The following CENPB variants were observed in gnomAD, a reference collection of about 807,000 sequenced individuals.
CENPB encodes centromere protein B.
In CENPB, 19 loss-of-function variants were observed where a neutral mutation model predicts 41.9. The ratio of observed to expected loss-of-function variants is 0.45; its 90% CI spans 0.32 to 0.67. CENPB has a LOEUF of 0.67. Ranked by LOEUF, CENPB falls within the 30% of genes least tolerant of loss-of-function variation. The pLI, the probability that CENPB is intolerant of heterozygous loss-of-function variation, is 0.04. For synonymous variants in CENPB, 399 were observed against 354.4 expected (o/e 1.13, Z -1.41); for missense variants, 614 against 816.2 (o/e 0.75, Z 3.02).
Position 3,785,186 on chromosome 20 carries a change from T to G in CENPB, c.1298A>C (p.Glu433Ala), listed in dbSNP as rs1328003800. ...EEEEEEGEEE[E>A]EEGGEGEELG... ...TTCCTCTCCTTCCCCCCCTTCCTCC[T>G]CCTCCTCCTCCCCTTCCTCCTCCTC... The change falls in exon 1 of 1, where the codon GAG (glutamate) becomes GCG (alanine). Residue 433 changes from glutamate to alanine, a missense_variant. Transcript: ENST00000379751. The G allele has an allele frequency of 2.0e-6, 2 of 984,240 alleles. No homozygotes were observed. Among genetic ancestry groups the G allele is most frequent in the Non-Finnish European group, 1.4e-6 (1 of 720,434 alleles). 61.0% of individuals were successfully genotyped at this position (984,240 alleles called of 1,614,324 possible).
At position 3,785,965 on chromosome 20, in the gene CENPB, G is replaced by A. The variant is rs1176091117; in HGVS notation, c.519C>T (p.Arg173=). ...CCGACGGCGGCTGCTCCTCCCGAGC[G>A]CGCCAACCAGTAGTGCTCCCGCCAC... ...EGSGGSTTGW[R]AREEQPPSVA... Residue 173 remains arginine (R), a synonymous_variant, in exon 1 of 1, where the codon CGC becomes CGT. Transcript: ENST00000379751. The A allele has an allele frequency of 1.1e-5, 17 of 1,560,044 alleles. No individual in the cohort carries two copies. The highest frequency in any genetic ancestry group is 2.3e-5 in the South Asian group (2 of 86,478).
chr20:3,785,690 G>T lies in CENPB; in HGVS notation c.794C>A (p.Ser265Tyr), dbSNP rs1299814146. ...GGCCTGGGTGGTGACACCACCCTTG[G>T]AGTTGGCGGTGTAGTCGCAGGGCAG... Reference protein sequence around the residue: ...AGLPCDYTANSKGGVTTQALA... With the variant: ...AGLPCDYTANYKGGVTTQALA... The change falls in exon 1 of 1, where the codon TCC becomes TAC. Residue 265 changes from serine (S) to tyrosine (Y), a missense_variant. Transcript: ENST00000379751. The T allele has an allele frequency of 6.2e-7, 1 of 1,609,462 alleles. No homozygotes were observed. Among genetic ancestry groups the T allele is most frequent in the Non-Finnish European group, 8.5e-7 (1 of 1,177,966 alleles).
chr20:3,785,512 C>G lies in CENPB; in HGVS notation c.972G>C (p.Pro324=). Residue 324 remains proline (P), a synonymous_variant, in exon 1 of 1, where the codon CCG becomes CCC. Coordinates refer to ENST00000379751, the MANE Select transcript of CENPB (RefSeq NM_001810.6). Reference sequence around the variant, plus strand: ...CCTGCTGGACCACTCCCCTCTCCAGCGGATGCACGGTGCCGGGAGGGAAGA... The same window carrying G: ...CCTGCTGGACCACTCCCCTCTCCAGGGGATGCACGGTGCCGGGAGGGAAGA... ...LAFFPPGTVH[P]LERGVVQQVK... is the part of the protein sequence containing the mutation. The G allele has an allele frequency of 6.3e-7, 1 of 1,596,124 alleles. No individual in the cohort carries two copies. Among genetic ancestry groups the G allele is most frequent in the Non-Finnish European group, 8.5e-7 (1 of 1,171,690 alleles).
At position 3,785,960 on chromosome 20, in the gene CENPB, C is replaced by T. The variant is rs753776622; in HGVS notation, c.524G>A (p.Arg175Gln). The T allele has an allele frequency of 1.3e-6, 2 of 1,574,998 alleles. No individual in the cohort carries two copies. The highest frequency in any genetic ancestry group is 1.7e-6 in the Non-Finnish European group (2 of 1,167,062). Residue 175 changes from arginine (R) to glutamine (Q), a missense_variant, in exon 1 of 1, where the codon CGG becomes CAG. By Grantham distance (43) the Arg-to-Gln change is conservative. This residue lies in a region of CENPB where 537 missense variants were observed against 629.4 expected (regional missense o/e 0.85). Transcript: ENST00000379751. Reference sequence around the variant, plus strand: ...GGCCACCGACGGCGGCTGCTCCTCCCGAGCGCGCCAACCAGTAGTGCTCCC... The same window carrying T: ...GGCCACCGACGGCGGCTGCTCCTCCTGAGCGCGCCAACCAGTAGTGCTCCC... The part of the protein sequence containing the change: ...SGGSTTGWRA[R>Q]EEQPPSVAEG...
At position 3,786,687 on chromosome 20, in the gene CENPB, G is replaced by T; in HGVS notation, c.-204C>A. ...GCCGGCGGGCGCGTCGCCGGGCGGC[G>T]GGCGGCAGGCGACGGGCGCAGACGA... On this transcript the variant is annotated 5_prime_UTR_variant, in exon 1 of 1. Coordinates refer to ENST00000379751, the MANE Select transcript of CENPB (RefSeq NM_001810.6). 1.4e-5 allele frequency: 2 copies of T among 146,584 alleles called. No individual in the cohort carries two copies. Among genetic ancestry groups the T allele is most frequent in the South Asian group, 3.6e-4 (2 of 5,550 alleles). The allele number at this position is 146,584 out of a possible 1,614,324, so 9.1% of individuals were successfully genotyped here.
chr20:3,786,458 G>C lies in CENPB; in HGVS notation c.26C>G (p.Thr9Arg). ...GATGATCCGTGACTTCTCCCGGAAC[G>C]TCAGCTGTCGCCTCTTGGGGCCCAT... MGPKRRQL[T>R]FREKSRIIQE... The change falls in exon 1 of 1, where the codon ACG (threonine) becomes AGG (arginine). Residue 9 changes from threonine (T) to arginine (R), a missense_variant. Physicochemically the swap from Thr to Arg is moderately conservative, Grantham distance 71. Around this residue, in one of 2 missense-constraint regions of CENPB, gnomAD observed 77 missense variants for 186.8 expected, o/e 0.41. Coordinates refer to ENST00000379751, the MANE Select transcript of CENPB (RefSeq NM_001810.6). 6.4e-7 allele frequency: 1 copy of C among 1,559,868 alleles called. No homozygotes were observed. Among genetic ancestry groups the C allele is most frequent in the South Asian group, 1.1e-5 (1 of 88,756 alleles).
chr20:3,785,947 C>A lies in CENPB; in HGVS notation c.537G>T (p.Pro179=), dbSNP rs114033879. ...TTGWRAREEQ[P]PSVAEGYASQ... ...AGGCGTAGCCCTCGGCCACCGACGG[C>A]GGCTGCTCCTCCCGAGCGCGCCAAC... The change falls in exon 1 of 1, where the codon CCG becomes CCT. Residue 179 remains proline (P), a synonymous_variant. Transcript: ENST00000379751. The A allele has an allele frequency of 8.3e-4, 1,319 of 1,592,758 alleles. 8 individuals carry two copies. The African/African-American group carries it at 0.016, about 19-fold the overall frequency.
In CENPB at chr20:3,784,840, C is replaced by T. The variant is rs746104845; in HGVS notation, c.1644G>A (p.Met548Ile). The T allele has an allele frequency of 1.2e-5, 19 of 1,614,028 alleles. No homozygotes were observed. Among genetic ancestry groups the T allele is most frequent in the Non-Finnish European group, 1.6e-5 (19 of 1,180,022 alleles). The change falls in exon 1 of 1, where the codon ATG (methionine) becomes ATA (isoleucine). Residue 548 changes from methionine (M) to isoleucine (I), a missense_variant. Transcript: ENST00000379751. The surrounding 1 kb of genome is among the most constrained non-coding windows in gnomAD (Gnocchi z 5.2). ...EVPVPSFGEA[M>I]AYFAMVKRYL... ...ACCTCTTGACCATGGCAAAGTAAGC[C>T]ATGGCCTCCCCAAAGCTGGGTACAG...
rs766681316 is a variant in CENPB, at chr20:3,786,068, G to A, written c.416C>T (p.Ala139Val). The A allele has an allele frequency of 2.6e-6, 4 of 1,562,812 alleles. No homozygotes were observed. The highest frequency in any genetic ancestry group is 1.4e-5 in the African/African-American group (1 of 71,008). Residue 139 changes from alanine to valine, a missense_variant, in exon 1 of 1, where the codon GCC becomes GTC. By Grantham distance (64) the Ala-to-Val change is moderately conservative. Coordinates refer to ENST00000379751, the MANE Select transcript of CENPB (RefSeq NM_001810.6). ...GGCAGCGTTTCGCGCGCGGGCGCGG[G>A]CCACGCCGCTGCAGGACACCACGCC... ...RHGVVSCSGV[A>V]RARARNAAPR...
At position 3,784,911 on chromosome 20, in the gene CENPB, C is replaced by T; in HGVS notation, c.1573G>A (p.Glu525Lys). 1 of 1,614,020 alleles carries T rather than the reference C, an allele frequency of 6.2e-7. No homozygotes were observed. Among genetic ancestry groups the T allele is most frequent in the Non-Finnish European group, 8.5e-7 (1 of 1,179,940 alleles). Residue 525 changes from glutamate (E) to lysine (K), a missense_variant, in exon 1 of 1, where the codon GAA becomes AAA. Physicochemically the swap from Glu to Lys is moderately conservative, Grantham distance 56 (BLOSUM62 1). Coordinates refer to ENST00000379751, the MANE Select transcript of CENPB (RefSeq NM_001810.6). The surrounding 1 kb of genome is among the most constrained non-coding windows in gnomAD (Gnocchi z 5.2). Reference protein sequence around the residue: ...EEEDDEEEDDEDEDDDDDEED... With the variant: ...EEEDDEEEDDKDEDDDDDEED... ...TCATCATCATCGTCGTCTTCATCTT[C>T]ATCATCCTCTTCCTCATCGTCCTCT...
chr20:3,784,067 A>G lies in CENPB; in HGVS notation c.*617T>C, dbSNP rs1487159159. On this transcript the variant is annotated 3_prime_UTR_variant, in exon 1 of 1. Coordinates refer to ENST00000379751, the MANE Select transcript of CENPB (RefSeq NM_001810.6). The surrounding 1 kb of genome is among the most constrained non-coding windows in gnomAD (Gnocchi z 5.2). Reference sequence around the variant, plus strand: ...TTCCACGGTGGGGGGCCTCTTGGAAACCTCCAATCTGGAAAGAAAACCAAG... The same window carrying G: ...TTCCACGGTGGGGGGCCTCTTGGAAGCCTCCAATCTGGAAAGAAAACCAAG... 6.5e-6 allele frequency: 1 copy of G among 153,184 alleles called. No individual in the cohort carries two copies. The highest frequency in any genetic ancestry group is 1.5e-5 in the Non-Finnish European group (1 of 68,644). 9.5% of individuals were successfully genotyped at this position (153,184 alleles called of 1,614,324 possible).
Position 3,784,726 on chromosome 20 carries a change from G to C in CENPB, c.1758C>G (p.His586Gln). Residue 586 changes from histidine (H) to glutamine (Q), a missense_variant, in exon 1 of 1, where the codon CAC (histidine) becomes CAG (glutamine). By Grantham distance (24) the His-to-Gln change is conservative. Coordinates refer to ENST00000379751, the MANE Select transcript of CENPB (RefSeq NM_001810.6). The surrounding 1 kb of genome is among the most constrained non-coding windows in gnomAD (Gnocchi z 5.2). ...HDLVHVTRKNHARQAGVRGLG... is the reference protein window; with the variant it reads ...HDLVHVTRKNQARQAGVRGLG... Reference sequence around the variant, plus strand: ...GACCTCGAACTCCCGCCTGCCTGGCGTGGTTCTTCCTGGTCACATGAACCA... The same window carrying C: ...GACCTCGAACTCCCGCCTGCCTGGCCTGGTTCTTCCTGGTCACATGAACCA... 1 of 1,614,178 alleles carries C rather than the reference G, an allele frequency of 6.2e-7. No homozygotes were observed. Among genetic ancestry groups the C allele is most frequent in the Admixed American group, 1.7e-5 (1 of 60,018 alleles).
Position 3,785,205 on chromosome 20 carries a change from C to T in CENPB, c.1279G>A (p.Glu427Lys). The T allele has an allele frequency of 1.5e-6, 2 of 1,325,506 alleles. No homozygotes were observed. The highest frequency in any genetic ancestry group is 1.5e-5 in the African/African-American group (1 of 65,302). The allele number at this position is 1,325,506 out of a possible 1,614,324, so 82.1% of individuals were successfully genotyped here. A position where few individuals can be genotyped will look rare whatever the true frequency, so the allele number is the denominator to read the frequency against. ...EEEGEGEEEE[E>K]EGEEEEEEGG... Reference sequence around the variant, plus strand: ...TCCTCCTCCTCCTCCTCCCCTTCCTCCTCCTCTTCCTCTCCTTCACCCTCT... The same window carrying T: ...TCCTCCTCCTCCTCCTCCCCTTCCTTCTCCTCTTCCTCTCCTTCACCCTCT... Residue 427 changes from glutamate (E) to lysine (K), a missense_variant, in exon 1 of 1, where the codon GAG becomes AAG. Coordinates refer to ENST00000379751, the MANE Select transcript of CENPB (RefSeq NM_001810.6).
In CENPB at chr20:3,786,034, G is replaced by C. The variant is rs778584759; in HGVS notation, c.450C>G (p.Thr150=). 2.1e-6 allele frequency: 3 copies of C among 1,432,482 alleles called. No individual in the cohort carries two copies. Among genetic ancestry groups the C allele is most frequent in the Non-Finnish European group, 2.7e-6 (3 of 1,106,758 alleles). 88.7% of individuals were successfully genotyped at this position (1,432,482 alleles called of 1,614,324 possible). A position where few individuals can be genotyped will look rare whatever the true frequency, so the allele number is the denominator to read the frequency against. Residue 150 remains threonine, a synonymous_variant, in exon 1 of 1, where the codon ACC becomes ACG. Coordinates refer to ENST00000379751, the MANE Select transcript of CENPB (RefSeq NM_001810.6). ...RARARNAAPR[T]PAAPASPAAV... is the part of the protein sequence containing the mutation. ...CGGCCGGACTGGCAGGCGCCGCCGGGGTGCGGGGGGCAGCGTTTCGCGCGC... is the reference window on the plus strand; with the variant it reads ...CGGCCGGACTGGCAGGCGCCGCCGGCGTGCGGGGGGCAGCGTTTCGCGCGC...
Position 3,786,203 on chromosome 20 carries a change from G to C in CENPB, c.281C>G (p.Pro94Arg), listed in dbSNP as rs1250192663. The change falls in exon 1 of 1, where the codon CCG (proline) becomes CGG (arginine). Residue 94 changes from proline to arginine, a missense_variant. By Grantham distance (103) the Pro-to-Arg change is moderately radical. Transcript: ENST00000379751. ...WFQQIRAAGLPVKGIILKEKA... is the reference protein window; with the variant it reads ...WFQQIRAAGLRVKGIILKEKA... Reference sequence around the variant, plus strand: ...CTCCTTGAGGATGATGCCCTTGACCGGCAGGCCGGCGGCGCGGATCTGCTG... The same window carrying C: ...CTCCTTGAGGATGATGCCCTTGACCCGCAGGCCGGCGGCGCGGATCTGCTG... The C allele has an allele frequency of 6.9e-6, 11 of 1,601,588 alleles. No homozygotes were observed. The highest frequency in any genetic ancestry group is 4.5e-5 in the East Asian group (2 of 44,712).
At position 3,785,452 on chromosome 20, in the gene CENPB, C is replaced by T. The variant is rs772494300; in HGVS notation, c.1032G>A (p.Lys344=). ...KGHYRQAMLL[K]AMAALEGQDP... is the part of the protein sequence containing the mutation. The stretch of plus-strand genomic sequence containing the variant: ...CCTGGCCCTCTAGCGCGGCCATGGC[C>T]TTGAGCAGCATGGCCTGGCGGTAGT... Residue 344 remains lysine, a synonymous_variant, in exon 1 of 1, where the codon AAG becomes AAA. Coordinates refer to ENST00000379751, the MANE Select transcript of CENPB (RefSeq NM_001810.6). 6.3e-7 allele frequency: 1 copy of T among 1,590,252 alleles called. No individual in the cohort carries two copies. Among genetic ancestry groups the T allele is most frequent in the East Asian group, 2.3e-5 (1 of 43,458 alleles).
In CENPB at chr20:3,785,179, TTCCTCCTCC is replaced by T. The variant is rs745612729; in HGVS notation, c.1296_1304del (p.Glu433_Glu435del). ...CCCCCAATTCCTCTCCTTCCCCCCC[TTCCTCCTCC>T]TCCTCCTCCCCTTCCTCCTCCTCTT... On this transcript the variant is annotated inframe_deletion, in exon 1 of 1. Coordinates refer to ENST00000379751, the MANE Select transcript of CENPB (RefSeq NM_001810.6). The T allele has an allele frequency of 8.4e-6, 5 of 595,944 alleles. No individual in the cohort carries two copies. Among genetic ancestry groups the T allele is most frequent in the Admixed American group, 3.1e-5 (1 of 32,516 alleles). The allele number at this position is 595,944 out of a possible 1,614,324, so 36.9% of individuals were successfully genotyped here.
Position 3,784,664 on chromosome 20 carries a change from G to A in CENPB, c.*20C>T, listed in dbSNP as rs763676260. On this transcript the variant is annotated 3_prime_UTR_variant, in exon 1 of 1. Coordinates refer to ENST00000379751, the MANE Select transcript of CENPB (RefSeq NM_001810.6). The surrounding 1 kb of genome is among the most constrained non-coding windows in gnomAD (Gnocchi z 5.2). ...GTGGTGCTGCCAATCTAGGTTGGGG[G>A]CACAGCTAGGTCCAGTGACTCAGCT... The A allele has an allele frequency of 1.2e-6, 2 of 1,612,250 alleles. No homozygotes were observed. The highest frequency in any genetic ancestry group is 3.3e-5 in the Admixed American group (2 of 59,854).
In CENPB at chr20:3,784,885, CTCA is replaced by C. The variant is rs775414219; in HGVS notation, c.1596_1598del (p.Asp532del). 8.4e-5 allele frequency: 135 copies of C among 1,613,750 alleles called. No individual in the cohort carries two copies. The highest frequency in any genetic ancestry group is 3.9e-4 in the African/African-American group (29 of 74,854). On this transcript the variant is annotated inframe_deletion, in exon 1 of 1. Coordinates refer to ENST00000379751, the MANE Select transcript of CENPB (RefSeq NM_001810.6). This position sits in a 1 kb window ranked among gnomAD's most constrained non-coding sequence, Gnocchi z 5.2. The stretch of plus-strand genomic sequence containing the variant: ...GTACAGGCACCTCATCACCATCCTC[CTCA>C]TCATCATCGTCGTCTTCATCTTCAT...
Sources: allele counts gnomAD v4.1 joint callset, GRCh38; gene constraint gnomAD v4.1.1; regional missense constraint gnomAD v4.1.1; non-coding constraint Gnocchi (gnomAD v3.1); transcripts MANE v1.5; gene names NCBI Gene and HGNC (gene_info 2026-07-23, HGNC 2026-07-21).